Variants in GRIA4 observed in about 807,000 individuals in gnomAD.
GRIA4 encodes glutamate receptor 4.
GRIA4 carries 34 observed loss-of-function variants against 104.0 expected under a neutral mutation model. The ratio of observed to expected loss-of-function variants is 0.33; its 90% confidence interval spans 0.25 to 0.44. The LOEUF is 0.44. Ranked by LOEUF, GRIA4 falls within the 20% of genes least tolerant of loss-of-function variation. The pLI is 1.00. For missense variants in GRIA4, 750 were observed against 1,096.5 expected (o/e 0.68, Z 4.46); for synonymous variants, 386 against 381.9 (o/e 1.01, Z -0.13).
intron 7 of GRIA4, among the ~76,000 whole-genome samples, chr11:105,901,766 A>C (rs943267909): frequency 6.6e-6 from 1 of 152,198 alleles, no homozygotes; most frequent in Non-Finnish European, 1.5e-5. Flanking sequence ...CGAACTTTTT[A>C]AAACACAAAA....
chr11:105,708,620 AG>A (rs1953795407), intron 3 of GRIA4, among the ~76,000 whole-genome samples: 1 of 152,128 alleles, frequency 6.6e-6, no homozygotes, highest in South Asian at 2.1e-4. Context: ...ACGGTACACT[AG>A]TTAATAATTT....
chr11:105,854,797 C>T (rs946634412), intron 4 of GRIA4, among the ~76,000 whole-genome samples: 1 of 152,064 alleles, frequency 6.6e-6, no homozygotes, highest in South Asian at 2.1e-4. Flanking sequence ...CTAATTTCAT[C>T]GCTCTCTCTG....
intron 3 of GRIA4, among the ~76,000 whole-genome samples, chr11:105,650,055 T>A (rs1361146487): frequency 6.6e-6 from 1 of 152,154 alleles, no homozygotes; most frequent in African/African-American, 2.4e-5. Flanking sequence ...TTCAACCACA[T>A]AAATAATTGT....
intron 4 of GRIA4, among the ~76,000 whole-genome samples, chr11:105,761,284 C>T (rs1260282966): frequency 6.6e-6 from 1 of 152,028 alleles, no homozygotes; most frequent in African/African-American, 2.4e-5. Flanking sequence ...CATAGCTACT[C>T]ATGTTTTCTT....
chr11:105,817,085 C>T (rs763449350), intron 4 of GRIA4, among the ~76,000 whole-genome samples: 1 of 151,972 alleles, frequency 6.6e-6, no homozygotes, highest in African/African-American at 2.4e-5. Flanking sequence ...TGAATCCCAG[C>T]CTCTTCACTT....
chr11:105,783,597 A>G (rs1298060806), intron 4 of GRIA4, among the ~76,000 whole-genome samples: 1 of 152,230 alleles, frequency 6.6e-6, no homozygotes, highest in African/African-American at 2.4e-5. Context: ...TTTATCGTCC[A>G]TAGGTTTCTT....
Position 105,979,860 on chromosome 11 carries a change from T to C in GRIA4, c.*121T>C. 1 of 692,630 alleles carries C rather than the reference T, an allele frequency of 1.4e-6. No individual in the cohort carries two copies. The highest frequency in any genetic ancestry group is 1.8e-5 in the African/African-American group (1 of 56,238). The allele number at this position is 692,630 out of a possible 1,614,324, so 42.9% of individuals were successfully genotyped here. On this transcript the variant is annotated 3_prime_UTR_variant, in exon 17 of 17. Coordinates refer to ENST00000282499, the MANE Select transcript of GRIA4 (RefSeq NM_000829.4). ...CAATCCTTTGGCTGAGAGCGGGAAG[T>C]CCGTCCTAACGCGCTGGCCGGACAT...
chr11:105,975,790 T>A (rs1565375965), intron 16 of GRIA4, among the ~76,000 whole-genome samples: 1 of 152,112 alleles, frequency 6.6e-6, no homozygotes, highest in Non-Finnish European at 1.5e-5. Context: ...TGAAAGCTTT[T>A]GAAATACTTG....
intron 3 of GRIA4, among the ~76,000 whole-genome samples, chr11:105,640,677 T>C (rs992442209): frequency 5.3e-5 from 8 of 151,990 alleles, no homozygotes; most frequent in Admixed American, 4.6e-4. Context: ...TTATTTCTAT[T>C]TAATATATTT....
intron 5 of GRIA4, among the ~76,000 whole-genome samples, chr11:105,880,749 T>C (rs1035600497): frequency 1.3e-5 from 2 of 152,182 alleles, no homozygotes; most frequent in African/African-American, 4.8e-5. Flanking sequence ...TATTAGCCTA[T>C]GTGAGACAGT....
chr11:105,974,258 C>T, intron 15 of GRIA4, 52 bp from the exon 16 acceptor site: 1 of 1,566,880 alleles, frequency 6.4e-7, no homozygotes, highest in South Asian at 1.2e-5. Context: ...GTTCTTTTAC[C>T]TTTTGGATGT....
At chr11:105,756,562 G>C (rs975745790) in intron 4 of GRIA4, among the ~76,000 whole-genome samples, 6 of 151,712 alleles carry the variant, frequency 4.0e-5, no homozygotes, top group Non-Finnish European at 8.8e-5. Flanking sequence ...TAAGCTTGTA[G>C]TATCCCAAGA....
At chr11:105,888,271 C>CTTTTTTTCT (rs1946341691) in intron 6 of GRIA4, among the ~76,000 whole-genome samples, 1 of 54,560 alleles carries the variant, frequency 1.8e-5, no homozygotes, top group Admixed American at 3.5e-4. Context: ...ATGTTTTCTC[C>CTTTTTTTCT]TTTTTTTTTT....
Position 105,862,227 on chromosome 11 carries a change from AT to A in GRIA4, c.672+24del, listed in dbSNP as rs766906013. Reference sequence around the variant, plus strand: ...AGAACAGGTAAGTCCTAGATTTTATATTTTTAACCTAGACCCTATACAGAAA... The same window carrying A: ...AGAACAGGTAAGTCCTAGATTTTATATTTTAACCTAGACCCTATACAGAAA... On this transcript the variant is annotated intron_variant, in intron 5 of 16. Transcript: ENST00000282499. 3 of 1,399,784 alleles carry A rather than the reference AT, an allele frequency of 2.1e-6. No individual in the cohort carries two copies. Among genetic ancestry groups the A allele is most frequent in the African/African-American group, 1.4e-5 (1 of 70,586 alleles). The allele number at this position is 1,399,784 out of a possible 1,614,324, so 86.7% of individuals were successfully genotyped here.
chr11:105,683,395 A>C (rs1952771564), intron 3 of GRIA4, among the ~76,000 whole-genome samples: 2 of 152,032 alleles, frequency 1.3e-5, no homozygotes, highest in Admixed American at 1.3e-4. Context: ...TTTATTAAAA[A>C]ATACATAATA....
At chr11:105,637,089 C>T (rs1951224310) in intron 3 of GRIA4, among the ~76,000 whole-genome samples, 3 of 151,976 alleles carry the variant, frequency 2.0e-5, no homozygotes, top group South Asian at 2.1e-4. Context: ...TACCAAATGC[C>T]GTTTAACTTA....
intron 4 of GRIA4, among the ~76,000 whole-genome samples, chr11:105,816,093 A>G (rs1220719382): frequency 1.3e-5 from 2 of 152,186 alleles, no homozygotes; most frequent in Admixed American, 1.3e-4. Context: ...TGGATTTCCT[A>G]TTCCCAGATC....
At chr11:105,708,807 A>G (rs1031261922) in intron 3 of GRIA4, among the ~76,000 whole-genome samples, 2 of 152,008 alleles carry the variant, frequency 1.3e-5, no homozygotes, top group African/African-American at 4.8e-5. Context: ...GGGTTGAAAT[A>G]AGAATGAGTT....
chr11:105,849,649 A>C (rs1477475843), intron 4 of GRIA4, among the ~76,000 whole-genome samples: 2 of 152,194 alleles, frequency 1.3e-5, no homozygotes, highest in African/African-American at 4.8e-5. Flanking sequence ...AGCCTCAGAT[A>C]AGGAGAGTGC....
Sources: gnomAD v4.1 joint callset for allele counts (sites outside exome capture counted in the v4.1 genomes callset) on GRCh38, gnomAD v4.1.1 for gene constraint, MANE v1.5 for transcripts, NCBI Gene and HGNC (gene_info 2026-07-23, HGNC 2026-07-21) for gene names.